QRICH1: variants seen among roughly 807,000 people sequenced by gnomAD.
QRICH1 encodes the protein glutamine rich 1.
In QRICH1, 16 loss-of-function variants were observed where a neutral mutation model predicts 87.1. The observed-to-expected ratio is 0.18, with a 90% confidence interval of 0.12 to 0.28. The LOEUF (loss-of-function observed/expected upper bound fraction) is 0.28. Among genes scored for constraint, QRICH1 ranks in the 10% least tolerant of loss-of-function variants. The pLI is 1.00. For synonymous variants in QRICH1, 367 were observed against 368.4 expected (o/e 1.00, Z 0.05); for missense variants, 647 against 951.7 (o/e 0.68, Z 4.21).
chr3:49,066,948 C>T (rs1302906852), intron 2 of QRICH1, among the ~76,000 whole-genome samples: 1 of 151,308 alleles, frequency 6.6e-6, no homozygotes, highest in Non-Finnish European at 1.5e-5. Context: ...TGAGGTAGGA[C>T]AATAGCTTGA....
At chr3:49,072,824 T>C (rs2041867556) in intron 2 of QRICH1, among the ~76,000 whole-genome samples, 1 of 152,046 alleles carries the variant, frequency 6.6e-6, no homozygotes, top group South Asian at 2.1e-4. Context: ...TGAGGACTGC[T>C]GGAGGCCAGG....
At chr3:49,054,006 T>TCATCTTTCCCTTGG (rs1479120208) in intron 3 of QRICH1, among the ~76,000 whole-genome samples, 3 of 152,170 alleles carry the variant, frequency 2.0e-5, no homozygotes, top group Non-Finnish European at 4.4e-5. Flanking sequence ...ATAGACAAAC[T>TCATCTTTCCCTTGG]CATCTTTCCC....
intron 3 of QRICH1, among the ~76,000 whole-genome samples, chr3:49,051,014 C>T (rs1379159532): frequency 6.6e-6 from 1 of 152,216 alleles, no homozygotes; most frequent in Middle Eastern, 3.2e-3. Flanking sequence ...TTGCTCAAAG[C>T]CAAGTCTCTA....
chr3:49,066,680 T>C (rs529396494), intron 2 of QRICH1, among the ~76,000 whole-genome samples: 2 of 152,216 alleles, frequency 1.3e-5, no homozygotes, highest in East Asian at 3.9e-4. Context: ...CATGAGCCAC[T>C]GCACCCAGAT....
chr3:49,073,397 C>T (rs902098188), intron 2 of QRICH1, among the ~76,000 whole-genome samples: 17 of 151,598 alleles, frequency 1.1e-4, no homozygotes, highest in Admixed American at 2.0e-4. Context: ...AAAAATTAGC[C>T]GGCACAGTGG....
intron 7 of QRICH1, 107 bp from the exon 8 acceptor site, chr3:49,032,880 G>A (rs1033589412): frequency 3.7e-6 from 5 of 1,357,328 alleles, no homozygotes; most frequent in Non-Finnish European, 4.0e-6. Flanking sequence ...ACATTCCCAA[G>A]ATCTGGGCAG....
At chr3:49,091,967 G>C (rs969052706) in intron 1 of QRICH1, among the ~76,000 whole-genome samples, 4 of 151,642 alleles carry the variant, frequency 2.6e-5, no homozygotes, top group Non-Finnish European at 4.4e-5. Flanking sequence ...AGTTACTTGG[G>C]AAACTGAGGC....
intron 2 of QRICH1, among the ~76,000 whole-genome samples, chr3:49,075,580 G>A (rs1016518746): frequency 2.0e-5 from 3 of 152,060 alleles, no homozygotes; most frequent in Non-Finnish European, 2.9e-5. Flanking sequence ...GCAGTGAGCC[G>A]AGATGGCTCC....
At chr3:49,052,240 C>A (rs1363207829) in intron 3 of QRICH1, among the ~76,000 whole-genome samples, 1 of 152,142 alleles carries the variant, frequency 6.6e-6, no homozygotes, top group African/African-American at 2.4e-5. Flanking sequence ...ACAAAGATGA[C>A]TCCTGGGTTT....
intron 1 of QRICH1, among the ~76,000 whole-genome samples, chr3:49,079,935 A>C (rs2042025790): frequency 6.6e-6 from 1 of 151,724 alleles, no homozygotes; most frequent in Non-Finnish European, 1.5e-5. Context: ...AGGCCGAGGC[A>C]GGAGAATTGC....
chr3:49,034,455 A>G (rs1312319949), intron 6 of QRICH1, among the ~76,000 whole-genome samples: 3 of 150,928 alleles, frequency 2.0e-5, no homozygotes, highest in Non-Finnish European at 4.4e-5. Context: ...AAAAAAAAAA[A>G]GGGAAAAAAA....
intron 5 of QRICH1, 80 bp downstream of exon 5, chr3:49,046,345 T>A: frequency 7.1e-7 from 1 of 1,404,854 alleles, no homozygotes; most frequent in South Asian, 1.4e-5. Flanking sequence ...AACTTCTTGC[T>A]TATCAATTTA....
chr3:49,064,964 C>A (rs1042336706), intron 2 of QRICH1, among the ~76,000 whole-genome samples: 1 of 151,912 alleles, frequency 6.6e-6, no homozygotes, highest in Admixed American at 6.6e-5. Flanking sequence ...TTGCAGTGAG[C>A]GGAGATCGTG....
Position 49,047,177 on chromosome 3 carries a change from G to T in QRICH1, c.1408C>A (p.Pro470Thr). 6.2e-7 allele frequency: 1 copy of T among 1,614,170 alleles called. No individual in the cohort carries two copies. The highest frequency in any genetic ancestry group is 8.5e-7 in the Non-Finnish European group (1 of 1,180,030). Residue 470 changes from proline to threonine, a missense_variant, in exon 4 of 10, where the codon CCA (proline) becomes ACA (threonine). Transcript: ENST00000395443. ...CCTTCTTCTGGCTTCAAAGAATTTG[G>T]AAGCAGAAGTTCTGGGGAAGGCTGT... Reference protein sequence around the residue: ...QPQPSPELLLPNSLKPEEGLE... With the variant: ...QPQPSPELLLTNSLKPEEGLE...
intron 1 of QRICH1, among the ~76,000 whole-genome samples, chr3:49,090,737 G>T (rs1337622277): frequency 6.6e-6 from 1 of 152,028 alleles, no homozygotes; most frequent in Non-Finnish European, 1.5e-5. Context: ...GAGACCAAAG[G>T]AGCACTCCTT....
chr3:49,058,941 T>A (rs2093418669), intron 2 of QRICH1, among the ~76,000 whole-genome samples: 1 of 150,422 alleles, frequency 6.6e-6, no homozygotes, highest in Non-Finnish European at 1.5e-5. Context: ...TAAAAATTGT[T>A]TTTGAAATGG....
At chr3:49,032,148 G>GCACACATGGA (rs766521004) in intron 9 of QRICH1, 35 bp downstream of exon 9, 2 of 1,499,514 alleles carry the variant, frequency 1.3e-6, no homozygotes, top group South Asian at 2.3e-5. Context: ...ACACACATGC[G>GCACACATGGA]CACACATGGA....
rs539313824 is a variant in QRICH1, at chr3:49,057,953, A to C, written c.310-63T>G. The C allele has an allele frequency of 2.2e-5, 36 of 1,611,954 alleles. No homozygotes were observed. The African/African-American group carries it at 4.8e-4, about 21-fold the overall frequency. On this transcript the variant is annotated intron_variant, in intron 2 of 9. Coordinates refer to ENST00000395443, the MANE Select transcript of QRICH1 (RefSeq NM_198880.3). This position sits in a 1 kb window ranked among gnomAD's most constrained non-coding sequence, Gnocchi z 5.4. Reference sequence around the variant, plus strand: ...AGCACTGAAAATCCAGTACCCAAGGAAAGAAAGAAAAGAGATCCCAGACAG... The same window carrying C: ...AGCACTGAAAATCCAGTACCCAAGGCAAGAAAGAAAAGAGATCCCAGACAG...
At chr3:49,087,414 TG>T (rs1327953848) in intron 1 of QRICH1, among the ~76,000 whole-genome samples, 1 of 147,670 alleles carries the variant, frequency 6.8e-6, no homozygotes, top group Non-Finnish European at 1.5e-5. Context: ...TAGCCAGGTG[TG>T]GTGCCTGTAG....
Sources: gnomAD v4.1 joint callset for allele counts (sites outside exome capture counted in the v4.1 genomes callset) on GRCh38, gnomAD v4.1.1 for gene constraint, Gnocchi (gnomAD v3.1) non-coding constraint, MANE v1.5 for transcripts, NCBI Gene and HGNC (gene_info 2026-07-23, HGNC 2026-07-21) for gene names.